TNXB: variants seen among roughly 807,000 people sequenced by gnomAD.
TNXB encodes tenascin XB.
Under a neutral mutation model 340.5 loss-of-function variants are expected in TNXB, and 183 were observed. That is an observed-to-expected ratio of 0.54 (90% confidence interval 0.48 to 0.61). TNXB has a LOEUF of 0.61. TNXB is among the 20% of genes least tolerant of loss of function. TNXB has a pLI of 0.00. For synonymous variants in TNXB, 2,121 were observed against 2,314.5 expected (o/e 0.92, Z 2.40); for missense variants, 4,613 against 5,446.4 (o/e 0.85, Z 4.82).
Position 32,079,283 on chromosome 6 carries a change from C to G in TNXB, c.4125G>C (p.Leu1375=), listed in dbSNP as rs769029257. The change falls in exon 11 of 44, where the codon CTG becomes CTC. Residue 1375 remains leucine, a synonymous_variant. Transcript: ENST00000644971. This position sits in a 1 kb window ranked among gnomAD's most constrained non-coding sequence, Gnocchi z 7.1. The part of the protein sequence containing the change: ...EAPESPEEPL[L]GELTVTGSSP... ...AGGATCCTGTCACTGTCAGCTCCCC[C>G]AGGAGCGGCTCCTCGGGGGACTCCG... 2.5e-6 allele frequency: 4 copies of G among 1,613,106 alleles called. No homozygotes were observed. Among genetic ancestry groups the G allele is most frequent in the Non-Finnish European group, 3.4e-6 (4 of 1,179,866 alleles).
chr6:32,081,465 A>T lies in TNXB; in HGVS notation c.3945T>A (p.Thr1315=), dbSNP rs376285310. 68 of 1,597,708 alleles carry T rather than the reference A, an allele frequency of 4.3e-5. No homozygotes were observed. Among genetic ancestry groups the T allele is most frequent in the Non-Finnish European group, 5.4e-5 (63 of 1,172,238 alleles). ...TCCGGTCGGGATCCAGGCCGGGGAC[A>T]GTAACCTCATTCTCATCCCCCGCAA... ...VPVAGDENEV[T]VPGLDPDRKY... The change falls in exon 10 of 44, where the codon ACT becomes ACA. Residue 1315 remains threonine, a synonymous_variant. Coordinates refer to ENST00000644971, the MANE Select transcript of TNXB (RefSeq NM_001365276.2). The surrounding 1 kb of genome is among the most constrained non-coding windows in gnomAD (Gnocchi z 5.1).
intron 1 of TNXB, among the ~76,000 whole-genome samples, chr6:32,106,725 TC>T (rs1041109184): frequency 1.3e-5 from 2 of 152,094 alleles, no homozygotes; most frequent in African/African-American, 4.8e-5. Context: ...CCCTTTCCTG[TC>T]TCCCCAGCCC....
rs1277289787 is a variant in TNXB at position 32,080,676 on chromosome 6, C to T, written c.4042+692G>A. On this transcript the variant is annotated intron_variant, in intron 10 of 43. Coordinates refer to ENST00000644971, the MANE Select transcript of TNXB (RefSeq NM_001365276.2). This position sits in a 1 kb window ranked among gnomAD's most constrained non-coding sequence, Gnocchi z 4.3. ...TGCAAGGCTGGTAGTGAGACTCGGGCAGTTGGCTCCGGAGTCTTTGCTCCT... is the reference window on the plus strand; with the variant it reads ...TGCAAGGCTGGTAGTGAGACTCGGGTAGTTGGCTCCGGAGTCTTTGCTCCT... 6.6e-6 allele frequency among the ~76,000 whole-genome samples: 1 copy of T among 152,196 alleles called. No homozygotes were observed. Among genetic ancestry groups the T allele is most frequent in the Non-Finnish European group, 1.5e-5 (1 of 68,042 alleles).
chr6:32,056,712 G>A lies in TNXB; in HGVS notation c.8017C>T (p.Arg2673Trp), dbSNP rs779108546. Residue 2673 changes from arginine to tryptophan, a missense_variant, in exon 23 of 44, where the codon CGG (arginine) becomes TGG (tryptophan). Arg to Trp is a moderately radical substitution (Grantham distance 101). Coordinates refer to ENST00000644971, the MANE Select transcript of TNXB (RefSeq NM_001365276.2). Reference protein sequence around the residue: ...RNGDGQPKAVRVPGHEDGVTI... With the variant: ...RNGDGQPKAVWVPGHEDGVTI... ...ACCCCGTCCTCGTGCCCCGGCACCCGCACCGCCTTGGGCTGCCCATCCCCA... is the reference window on the plus strand; with the variant it reads ...ACCCCGTCCTCGTGCCCCGGCACCCACACCGCCTTGGGCTGCCCATCCCCA... The A allele has an allele frequency of 5.6e-6, 9 of 1,613,024 alleles. No individual in the cohort carries two copies. The highest frequency in any genetic ancestry group is 4.5e-5 in the East Asian group (2 of 44,888).
In TNXB at chr6:32,070,880, C is replaced by T. The variant is rs1225912909; in HGVS notation, c.4991-466G>A. ...GTCAGGGAGGCAGGATGTTACGACA[C>T]AGGTAGTTCTCACCCTTCTCCGTTC... On this transcript the variant is annotated intron_variant, in intron 13 of 43. Coordinates refer to ENST00000644971, the MANE Select transcript of TNXB (RefSeq NM_001365276.2). This position sits in a 1 kb window ranked among gnomAD's most constrained non-coding sequence, Gnocchi z 6.0. 1.3e-5 allele frequency among the ~76,000 whole-genome samples: 2 copies of T among 152,214 alleles called. No homozygotes were observed. Among genetic ancestry groups the T allele is most frequent in the African/African-American group, 4.8e-5 (2 of 41,466 alleles).
rs781641776 is a variant in TNXB, at chr6:32,069,630, G to A, written c.5510C>T (p.Ala1837Val). The A allele has an allele frequency of 2.5e-6, 4 of 1,611,712 alleles. No homozygotes were observed. The highest frequency in any genetic ancestry group is 3.4e-6 in the Non-Finnish European group (4 of 1,178,882). ...GTAGAGCAGCAGCTTGTACCTGTGG[G>A]CAGGGTCCAGGCCCGGCACGCTGAC... ...REVSVPGLDP[A>V]HRYKLLLYGL... The change falls in exon 15 of 44, where the codon GCC becomes GTC. Residue 1837 changes from alanine to valine, a missense_variant. Physicochemically the swap from Ala to Val is moderately conservative, Grantham distance 64. Around this residue, in one of 7 missense-constraint regions of TNXB, gnomAD observed 4,327 missense variants for 4,859.4 expected, o/e 0.89. Transcript: ENST00000644971. This position sits in a 1 kb window ranked among gnomAD's most constrained non-coding sequence, Gnocchi z 6.2.
chr6:32,056,629 G>A lies in TNXB; in HGVS notation c.8100C>T (p.His2700=), dbSNP rs777858127. ...HKYKMNLYGF[H]GGQRVGPISV... ...AGATGGGGCCCACGCGCTGGCCACC[G>A]TGGAAGCCGTACAGGTTCATCTTGT... The change falls in exon 23 of 44, where the codon CAC becomes CAT. Residue 2700 remains histidine, a synonymous_variant. Transcript: ENST00000644971. The A allele has an allele frequency of 1.2e-5, 20 of 1,613,074 alleles. No individual in the cohort carries two copies. The highest frequency in any genetic ancestry group is 4.4e-5 in the South Asian group (4 of 91,088).
In TNXB at chr6:32,085,120, A is replaced by C. The variant is rs930251453; in HGVS notation, c.3149-411T>G. On this transcript the variant is annotated intron_variant, in intron 7 of 43. Coordinates refer to ENST00000644971, the MANE Select transcript of TNXB (RefSeq NM_001365276.2). This position sits in a 1 kb window ranked among gnomAD's most constrained non-coding sequence, Gnocchi z 6.4. ...CCTGGAGCTGGGGGATGAGTCAGCC[A>C]CCCTGGTCCCACAGAGAGGAACAAA... is the stretch of plus-strand genomic sequence containing the variant. 1.3e-5 allele frequency among the ~76,000 whole-genome samples: 2 copies of C among 152,020 alleles called. No individual in the cohort carries two copies. The highest frequency in any genetic ancestry group is 4.8e-5 in the African/African-American group (2 of 41,380).
In TNXB at chr6:32,108,596, A is replaced by G. The variant is rs1469274675; in HGVS notation, c.-9+585T>C. Among the ~76,000 whole-genome samples, 1 of 151,962 alleles carries G rather than the reference A, an allele frequency of 6.6e-6. No homozygotes were observed. The highest frequency in any genetic ancestry group is 1.5e-5 in the Non-Finnish European group (1 of 67,988). On this transcript the variant is annotated intron_variant, in intron 1 of 43. Transcript: ENST00000644971. This position sits in a 1 kb window ranked among gnomAD's most constrained non-coding sequence, Gnocchi z 4.8. ...CGAGTCCTGACTGTCCCATTTCAGT[A>G]TTTCCTAAAGAGATCTCCCAGACCT...
chr6:32,056,555 T>C (rs1276961101), intron 23 of TNXB, 31 bp downstream of exon 23: 2 of 1,609,388 alleles, frequency 1.2e-6, no homozygotes, highest in Non-Finnish European at 1.7e-6. Flanking sequence ...CTCCCACGGC[T>C]CCCACCCTGG....
Position 32,044,124 on chromosome 6 carries a change from C to G in TNXB, c.11269G>C (p.Glu3757Gln), listed in dbSNP as rs1162570811. Residue 3757 changes from glutamate to glutamine, a missense_variant, in exon 34 of 44, where the codon GAG becomes CAG. This residue lies in a region of TNXB where 14 missense variants were observed against 56.1 expected (regional missense o/e 0.25). Transcript: ENST00000644971. Reference sequence around the variant, plus strand: ...CTGAATTGGAGGTCACGGGGGCTCTCCAGAACTGCAGAGGGGTCAAGGAAC... The same window carrying G: ...CTGAATTGGAGGTCACGGGGGCTCTGCAGAACTGCAGAGGGGTCAAGGAAC... ...GTARTLSPVL[E>Q]SPRDLQFSEI... 6.7e-6 allele frequency: 10 copies of G among 1,494,374 alleles called. 2 individuals carry two copies. The highest frequency in any genetic ancestry group is 9.1e-6 in the Non-Finnish European group (10 of 1,098,598). The allele number at this position is 1,494,374 out of a possible 1,614,324, so 92.6% of individuals were successfully genotyped here. A position where few individuals can be genotyped will look rare whatever the true frequency, so the allele number is the denominator to read the frequency against.
At position 32,073,420 on chromosome 6, in the gene TNXB, G is replaced by A. The variant is rs1778888831; in HGVS notation, c.4681+227C>T. ...AATAAGACATTCCCCTGGGCGGGGGGCAGAGTGGAGATGGGGAAGGAGCTG... is the reference window on the plus strand; with the variant it reads ...AATAAGACATTCCCCTGGGCGGGGGACAGAGTGGAGATGGGGAAGGAGCTG... On this transcript the variant is annotated intron_variant, in intron 12 of 43. Transcript: ENST00000644971. This position sits in a 1 kb window ranked among gnomAD's most constrained non-coding sequence, Gnocchi z 4.6. 1.3e-5 allele frequency among the ~76,000 whole-genome samples: 2 copies of A among 152,156 alleles called. No individual in the cohort carries two copies. The highest frequency in any genetic ancestry group is 4.1e-4 in the South Asian group (2 of 4,832).
In TNXB at chr6:32,052,592, T is replaced by C. The variant is rs776007327; in HGVS notation, c.9115+78A>G. On this transcript the variant is annotated intron_variant, in intron 26 of 43. Transcript: ENST00000644971. This position sits in a 1 kb window ranked among gnomAD's most constrained non-coding sequence, Gnocchi z 4.7. ...AAAGGAAGGAATACTCTTCAGAGTA[T>C]GTTTTCACGAAGACTGGAGAGACAG... 3.9e-6 allele frequency: 6 copies of C among 1,548,806 alleles called. No homozygotes were observed. The African/African-American group carries it at 6.8e-5, about 18-fold the overall frequency.
chr6:32,064,876 C>G lies in TNXB; in HGVS notation c.6786G>C (p.Leu2262=). The G allele has an allele frequency of 6.2e-7, 1 of 1,612,522 alleles. No individual in the cohort carries two copies. The highest frequency in any genetic ancestry group is 2.2e-5 in the East Asian group (1 of 44,880). The change falls in exon 19 of 44, where the codon CTG becomes CTC. Residue 2262 remains leucine, a synonymous_variant. Coordinates refer to ENST00000644971, the MANE Select transcript of TNXB (RefSeq NM_001365276.2). This position sits in a 1 kb window ranked among gnomAD's most constrained non-coding sequence, Gnocchi z 5.3. ...LEPDHKYKMN[L]YGFHGGQRVG... Reference sequence around the variant, plus strand: ...CGCGCTGGCCACCGTGGAAGCCGTACAGGTTCATCTTGTACTTGTGGTCTG... The same window carrying G: ...CGCGCTGGCCACCGTGGAAGCCGTAGAGGTTCATCTTGTACTTGTGGTCTG...
Position 32,097,981 on chromosome 6 carries a change from A to G in TNXB, c.218T>C (p.Phe73Ser). The G allele has an allele frequency of 6.2e-7, 1 of 1,607,238 alleles. No homozygotes were observed. Among genetic ancestry groups the G allele is most frequent in the Non-Finnish European group, 8.5e-7 (1 of 1,178,032 alleles). Residue 73 changes from phenylalanine to serine, a missense_variant, in exon 2 of 44, where the codon TTC (phenylalanine) becomes TCC (serine). By Grantham distance (155) the Phe-to-Ser change is radical (BLOSUM62 -2). Around this residue, in one of 7 missense-constraint regions of TNXB, gnomAD observed 4,327 missense variants for 4,859.4 expected, o/e 0.89. Transcript: ENST00000644971. The surrounding 1 kb of genome is among the most constrained non-coding windows in gnomAD (Gnocchi z 5.9). Reference protein sequence around the residue: ...TVEGGEKQVVFTHRINLPPST... With the variant: ...TVEGGEKQVVSTHRINLPPST... Reference sequence around the variant, plus strand: ...AGGGGGCAGGTTAATGCGGTGGGTGAATACCACCTGCTTCTCCCCTCCTTC... The same window carrying G: ...AGGGGGCAGGTTAATGCGGTGGGTGGATACCACCTGCTTCTCCCCTCCTTC...
rs376816337 is a variant in TNXB, at chr6:32,097,909, G to A, written c.290C>T (p.Ala97Val). The A allele has an allele frequency of 3.8e-6, 6 of 1,587,792 alleles. No homozygotes were observed. Among genetic ancestry groups the A allele is most frequent in the Non-Finnish European group, 5.2e-6 (6 of 1,162,376 alleles). ...CPPGTEPPVL[A>V]SEVQALRVRL... ...GACCCTCAGGGCCTGTACCTCTGAA[G>A]CAAGGACTGGGGGCTCGGTGCCTGG... The change falls in exon 2 of 44, where the codon GCT becomes GTT. Residue 97 changes from alanine to valine, a missense_variant. This residue lies in a region of TNXB where 4,327 missense variants were observed against 4,859.4 expected (regional missense o/e 0.89). Coordinates refer to ENST00000644971, the MANE Select transcript of TNXB (RefSeq NM_001365276.2). The surrounding 1 kb of genome is among the most constrained non-coding windows in gnomAD (Gnocchi z 5.9).
chr6:32,070,872 T>A lies in TNXB; in HGVS notation c.4991-458A>T, dbSNP rs1414380873. Among the ~76,000 whole-genome samples, 1 of 152,200 alleles carries A rather than the reference T, an allele frequency of 6.6e-6. No homozygotes were observed. Among genetic ancestry groups the A allele is most frequent in the African/African-American group, 2.4e-5 (1 of 41,460 alleles). Reference sequence around the variant, plus strand: ...CTCGGCAGGTCAGGGAGGCAGGATGTTACGACACAGGTAGTTCTCACCCTT... The same window carrying A: ...CTCGGCAGGTCAGGGAGGCAGGATGATACGACACAGGTAGTTCTCACCCTT... On this transcript the variant is annotated intron_variant, in intron 13 of 43. Coordinates refer to ENST00000644971, the MANE Select transcript of TNXB (RefSeq NM_001365276.2). This position sits in a 1 kb window ranked among gnomAD's most constrained non-coding sequence, Gnocchi z 6.0.
At chr6:32,101,569 G>A (rs1473451164) in intron 1 of TNXB, among the ~76,000 whole-genome samples, 2 of 151,066 alleles carry the variant, frequency 1.3e-5, no homozygotes, top group East Asian at 2.0e-4. Flanking sequence ...GATTACAGGC[G>A]TGAGCCACCG....
In TNXB at chr6:32,065,014, G is replaced by A. The variant is rs1293494674; in HGVS notation, c.6648C>T (p.Val2216=). ...TSDSLSLSWT[V]PEGQFDHFLV... Reference sequence around the variant, plus strand: ...AGAAATGGTCAAACTGGCCCTCGGGGACTGTCCAGGAGAGGCTGAGGGAGT... The same window carrying A: ...AGAAATGGTCAAACTGGCCCTCGGGAACTGTCCAGGAGAGGCTGAGGGAGT... Residue 2216 remains valine, a synonymous_variant, in exon 19 of 44, where the codon GTC becomes GTT. Transcript: ENST00000644971. 6.8e-6 allele frequency: 11 copies of A among 1,611,220 alleles called. No individual in the cohort carries two copies. The highest frequency in any genetic ancestry group is 8.5e-6 in the Non-Finnish European group (10 of 1,179,118).
Sources: gnomAD v4.1 joint callset for allele counts (sites outside exome capture counted in the v4.1 genomes callset) on GRCh38, gnomAD v4.1.1 for gene constraint, gnomAD v4.1.1 regional missense constraint, Gnocchi (gnomAD v3.1) non-coding constraint, MANE v1.5 for transcripts, NCBI Gene and HGNC (gene_info 2026-07-23, HGNC 2026-07-21) for gene names.